The following RPS3 variants were observed in gnomAD, a reference collection of about 807,000 sequenced individuals.
The protein encoded by RPS3 is ribosomal protein S3, also known as small ribosomal subunit protein uS3.
Under a neutral mutation model 25.8 loss-of-function variants are expected in RPS3, and 2 were observed. That is an observed-to-expected ratio of 0.08 (90% CI 0.03 to 0.24). The LOEUF is 0.24. Among genes scored for constraint, RPS3 ranks in the 10% least tolerant of loss-of-function variants. RPS3 has a pLI of 1.00. For synonymous variants in RPS3, 114 were observed against 114.2 expected (o/e 1.00, Z 0.01); for missense variants, 107 against 307.1 (o/e 0.35, Z 4.87).
chr11:75,400,573 C>G, intron 1 of RPS3, 121 bp from the exon 2 acceptor site: 1 of 1,411,188 alleles, frequency 7.1e-7, no homozygotes, highest in Non-Finnish European at 9.9e-7. Flanking sequence ...GGGTTTGGAA[C>G]CATTGGTTGG....
chr11:75,416,460 A>T (rs2510892), intron 6 of RPS3, among the ~76,000 whole-genome samples: 47,437 of 132,442 alleles, frequency 0.36, 9,231 homozygotes, highest in South Asian at 0.46. Flanking sequence ...GATTATTTCT[A>T]TTTTTTTTTT....
At position 75,404,801 on chromosome 11, in the gene RPS3, T is replaced by C. The variant is rs759369058; in HGVS notation, c.668T>C (p.Ile223Thr). The change falls in exon 6 of 7, where the codon ATC (isoleucine) becomes ACC (threonine). Residue 223 changes from isoleucine to threonine, a missense_variant. Physicochemically the swap from Ile to Thr is moderately conservative, Grantham distance 89 (BLOSUM62 -1). Coordinates refer to ENST00000531188, the MANE Select transcript of RPS3 (RefSeq NM_001005.5). The surrounding 1 kb of genome is among the most constrained non-coding windows in gnomAD (Gnocchi z 4.6). ...PKDEILPTTPISEQKGGKPEP... is the reference protein window; with the variant it reads ...PKDEILPTTPTSEQKGGKPEP... ...GATGAGATACTGCCCACCACCCCCA[T>C]CTCAGAACAGAAGGGTGGGAAGCCA... 2 of 1,613,666 alleles carry C rather than the reference T, an allele frequency of 1.2e-6. No homozygotes were observed. The highest frequency in any genetic ancestry group is 1.7e-6 in the Non-Finnish European group (2 of 1,179,882).
At chr11:75,401,928 A>T (rs1948215311) in intron 3 of RPS3, 195 bp downstream of exon 3, 1 of 580,016 alleles carries the variant, frequency 1.7e-6, no homozygotes, top group Non-Finnish European at 3.1e-6. Flanking sequence ...TTTTACATTC[A>T]ACTTGGGTAT....
chr11:75,409,054 T>G (rs1271202825), downstream of RPS3, among the ~76,000 whole-genome samples: 4 of 152,154 alleles, frequency 2.6e-5, no homozygotes, highest in Non-Finnish European at 5.9e-5. Context: ...TGGCACAATT[T>G]CACTGCAAAC....
intron 6 of RPS3, among the ~76,000 whole-genome samples, chr11:75,416,262 C>T (rs1032219795): frequency 4.6e-5 from 7 of 152,090 alleles, no homozygotes; most frequent in Non-Finnish European, 8.8e-5. Flanking sequence ...TAAGCATATC[C>T]TCTTGGATTT....
chr11:75,413,408 C>A (rs2135068103), intron 6 of RPS3, among the ~76,000 whole-genome samples: 1 of 152,250 alleles, frequency 6.6e-6, no homozygotes, highest in East Asian at 1.9e-4. Context: ...AGGCATCCAC[C>A]ACCACGCCCA....
At chr11:75,400,648 G>A (rs372482284) in intron 1 of RPS3, 46 bp from the exon 2 acceptor site, 1 of 1,602,548 alleles carries the variant, frequency 6.2e-7, no homozygotes, top group South Asian at 1.1e-5. Flanking sequence ...GCGAAAGTGA[G>A]CCTACACCGA....
intron 6 of RPS3, among the ~76,000 whole-genome samples, chr11:75,415,436 G>A (rs1449234766): frequency 6.6e-6 from 1 of 152,144 alleles, no homozygotes; most frequent in Non-Finnish European, 1.5e-5. Flanking sequence ...ATTTTGGGAG[G>A]CCTAGGCTGG....
In RPS3 at chr11:75,406,233, A is replaced by G. The variant is rs1592026435; in HGVS notation, c.*623A>G. On this transcript the variant is annotated 3_prime_UTR_variant, in exon 7 of 7. Coordinates refer to ENST00000531188, the MANE Select transcript of RPS3 (RefSeq NM_001005.5). ...TATGTTCTGGAGAACTGTGAAGAAC[A>G]TTTAAATTGTCTCTGATTTTATCTA... The G allele has an allele frequency of 6.6e-6, 1 of 152,270 alleles. No individual in the cohort carries two copies. The highest frequency in any genetic ancestry group is 2.4e-5 in the African/African-American group (1 of 41,472). The allele number at this position is 152,270 out of a possible 1,614,324, so 9.4% of individuals were successfully genotyped here.
Position 75,400,686 on chromosome 11 carries a change from T to C in RPS3, c.31-8T>C. On this transcript the variant is annotated splice_region_variant and splice_polypyrimidine_tract_variant and intron_variant, in intron 1 of 6. Transcript: ENST00000531188. ...TCCTAATTTTGAACTTTGCTTTGTT[T>C]GGATTAGTTTGTCGCTGATGGCATC... is the stretch of plus-strand genomic sequence containing the variant. 6.2e-7 allele frequency: 1 copy of C among 1,611,122 alleles called. No individual in the cohort carries two copies. Among genetic ancestry groups the C allele is most frequent in the Admixed American group, 1.7e-5 (1 of 59,906 alleles).
chr11:75,420,364 A>G (rs933363751), intron 6 of RPS3, among the ~76,000 whole-genome samples: 1 of 152,198 alleles, frequency 6.6e-6, no homozygotes, highest in African/African-American at 2.4e-5. Flanking sequence ...TGGGGACAGT[A>G]TCCCATCAGA....
rs1390975435 is a variant in RPS3, at chr11:75,401,942, A to C, written c.255+209A>C. 6.9e-6 allele frequency: 4 copies of C among 577,642 alleles called. No individual in the cohort carries two copies. The African/African-American group carries it at 7.5e-5, about 11-fold the overall frequency. The allele number at this position is 577,642 out of a possible 1,614,324, so 35.8% of individuals were successfully genotyped here. On this transcript the variant is annotated intron_variant, in intron 3 of 6. Transcript: ENST00000531188. Reference sequence around the variant, plus strand: ...ATTTTACATTCAACTTGGGTATAGAAATGATGCATATGATGGATTAACTGT... The same window carrying C: ...ATTTTACATTCAACTTGGGTATAGACATGATGCATATGATGGATTAACTGT...
chr11:75,411,284 A>G (rs977332480), downstream of RPS3, among the ~76,000 whole-genome samples: 2 of 151,074 alleles, frequency 1.3e-5, no homozygotes, highest in Non-Finnish European at 3.0e-5. Flanking sequence ...AGTGCTGGGA[A>G]TACAGATGTG....
At chr11:75,400,077 G>A (rs1247335635) in intron 1 of RPS3, among the ~76,000 whole-genome samples, 2 of 152,152 alleles carry the variant, frequency 1.3e-5, no homozygotes, top group Non-Finnish European at 1.5e-5. Context: ...CATTACATGG[G>A]ATAGAACTGT....
chr11:75,402,969 A>G (rs1320522193), intron 4 of RPS3: 1 of 152,308 alleles, frequency 6.6e-6, no homozygotes. Flanking sequence ...CTTAAAATCT[A>G]GACACTTAAC....
intron 6 of RPS3, among the ~76,000 whole-genome samples, chr11:75,419,282 G>C (rs1948425049): frequency 6.6e-6 from 1 of 152,158 alleles, no homozygotes; most frequent in Non-Finnish European, 1.5e-5. Context: ...GGCTGGGCTT[G>C]GTGGCTCATG....
chr11:75,416,367 G>T (rs1220309004), intron 6 of RPS3, among the ~76,000 whole-genome samples: 1 of 152,138 alleles, frequency 6.6e-6, no homozygotes, highest in Middle Eastern at 3.2e-3. Context: ...CAAAAGGTGG[G>T]CATAGCTGGG....
chr11:75,413,668 G>C lies in RPS3; in HGVS notation c.*4-8059G>C, dbSNP rs202177431. Among the ~76,000 whole-genome samples, 40 of 152,290 alleles carry C rather than the reference G, an allele frequency of 2.6e-4. No homozygotes were observed. In the East Asian group the frequency reaches 5.2e-3, roughly 20 times the overall value. ...AGTATGACAATACTGGCAGCTTAAT[G>C]CACAGTTTGTTCAGAAGCCATTTTA... On this transcript the variant is annotated intron_variant, in intron 6 of 6. Transcript: ENST00000527446.
chr11:75,421,700 T>G (rs1045789172), intron 6 of RPS3: 1 of 152,210 alleles, frequency 6.6e-6, no homozygotes, highest in African/African-American at 2.4e-5. Context: ...TGTTCAGGGA[T>G]CCATAACTGT....
Sources: allele counts gnomAD v4.1 joint callset (sites outside exome capture counted in the v4.1 genomes callset), GRCh38; gene constraint gnomAD v4.1.1; non-coding constraint Gnocchi (gnomAD v3.1); transcripts MANE v1.5; gene names NCBI Gene and HGNC (gene_info 2026-07-23, HGNC 2026-07-21).